MAMLD1: variants seen among roughly 807,000 people sequenced by gnomAD.
The protein encoded by MAMLD1 is mastermind-like domain-containing protein 1.
Under a neutral mutation model 45.0 loss-of-function variants are expected in MAMLD1, and 14 were observed. The ratio of observed to expected loss-of-function variants is 0.31; its 90% CI spans 0.21 to 0.49. MAMLD1 has a LOEUF of 0.49. Ranked by LOEUF, MAMLD1 falls within the 20% of genes least tolerant of loss-of-function variation. MAMLD1 has a pLI of 0.99. For missense variants in MAMLD1, 543 were observed against 603.6 expected (o/e 0.90, Z 1.05); for synonymous variants, 254 against 247.8 (o/e 1.02, Z -0.24).
chrX:150,450,643 A>G (rs914620326), intron 2 of MAMLD1, among the ~76,000 whole-genome samples: 2 of 111,270 alleles, frequency 1.8e-5, no homozygotes, highest in Non-Finnish European at 3.8e-5. Context: ...TCCAAACCAC[A>G]CAGGGCATGA....
At chrX:150,372,174 G>C (rs1342976736) in intron 1 of MAMLD1, among the ~76,000 whole-genome samples, 2 of 112,474 alleles carry the variant, frequency 1.8e-5, no homozygotes, top group Non-Finnish European at 3.8e-5. Flanking sequence ...GCTCAGCATT[G>C]TTAGGACAGC....
chrX:150,390,442 T>C (rs1484907459), intron 1 of MAMLD1, among the ~76,000 whole-genome samples: 1 of 112,439 alleles, frequency 8.9e-6, no homozygotes, highest in Non-Finnish European at 1.9e-5. Context: ...TCTTGGTTTA[T>C]GTTTTATGGT....
chrX:150,457,668 C>T (rs1180134368), intron 2 of MAMLD1, among the ~76,000 whole-genome samples: 1 of 111,944 alleles, frequency 8.9e-6, no homozygotes, highest in Non-Finnish European at 1.9e-5. Flanking sequence ...TGAGGCATGC[C>T]ACAACATGGA....
intron 2 of MAMLD1, among the ~76,000 whole-genome samples, chrX:150,460,508 C>A (rs1359276891): frequency 8.9e-6 from 1 of 112,045 alleles, no homozygotes; most frequent in African/African-American, 3.2e-5. Context: ...AGTGGAGAGG[C>A]AGGTCCCAAG....
In MAMLD1 at chrX:150,513,145, A is replaced by G; in HGVS notation, c.*1186A>G. On this transcript the variant is annotated 3_prime_UTR_variant, in exon 8 of 8. Coordinates refer to ENST00000370401, the MANE Select transcript of MAMLD1 (RefSeq NM_005491.5). The stretch of plus-strand genomic sequence containing the variant: ...GGAAGTGGTGTCGATCCATACCCGC[A>G]GTTGTCTCCCGTTACAATTTGAGTG... 1.1e-6 allele frequency: 1 copy of G among 896,667 alleles called. No individual in the cohort carries two copies. Among genetic ancestry groups the G allele is most frequent in the Non-Finnish European group, 1.5e-6 (1 of 659,330 alleles). 73.9% of individuals were successfully genotyped at this position (896,667 alleles called of 1,213,427 possible).
Position 150,482,001 on chromosome X carries a change from A to G in MAMLD1, c.2040+8199A>G, listed in dbSNP as rs1557407315. Among the ~76,000 whole-genome samples, 7 of 107,543 alleles carry G rather than the reference A, an allele frequency of 6.5e-5. No individual in the cohort carries two copies. In the South Asian group the frequency reaches 3.0e-3, roughly 45 times the overall value. 93.4% of individuals were successfully genotyped at this position (107,543 alleles called of 115,157 possible). A position where few individuals can be genotyped will look rare whatever the true frequency, so the allele number is the denominator to read the frequency against. ...GAAAGAAAGAAAGAAAGAAAGAAAG[A>G]AAGAAAGAAAGAAAGAAAGAAAGAA... On this transcript the variant is annotated intron_variant, in intron 5 of 7. Coordinates refer to ENST00000370401, the MANE Select transcript of MAMLD1 (RefSeq NM_005491.5).
chrX:150,479,041 G>A (rs2036670480), intron 5 of MAMLD1, among the ~76,000 whole-genome samples: 1 of 110,461 alleles, frequency 9.1e-6, no homozygotes, highest in South Asian at 3.8e-4. Flanking sequence ...TTAGAACTTG[G>A]TATTAATCTT....
At chrX:150,497,148 T>A (rs1378197623) in intron 5 of MAMLD1, among the ~76,000 whole-genome samples, 2 of 112,206 alleles carry the variant, frequency 1.8e-5, no homozygotes, top group Non-Finnish European at 3.8e-5. Context: ...CAGGTCTTGC[T>A]TAGGGGATAC....
intron 1 of MAMLD1, among the ~76,000 whole-genome samples, chrX:150,444,145 G>A (rs1355460366): frequency 9.0e-6 from 1 of 111,731 alleles, no homozygotes; most frequent in African/African-American, 3.3e-5. Context: ...CTCCCTACTA[G>A]GCTTTTACTG....
chrX:150,410,254 T>A (rs2034092456), intron 1 of MAMLD1, among the ~76,000 whole-genome samples: 1 of 112,245 alleles, frequency 8.9e-6, no homozygotes. Context: ...CCCAGTAGAA[T>A]GTCTGGCACC....
At chrX:150,428,931 A>G (rs2034815015) in intron 1 of MAMLD1, among the ~76,000 whole-genome samples, 2 of 111,742 alleles carry the variant, frequency 1.8e-5, no homozygotes, top group African/African-American at 6.5e-5. Context: ...ACAAAGGGGG[A>G]AGGCATAAAA....
intron 6 of MAMLD1, chrX:150,505,116 C>A: frequency 1.3e-6 from 1 of 745,397 alleles, no homozygotes; most frequent in Non-Finnish European, 1.6e-6. Flanking sequence ...ATTTCATATA[C>A]AGATCTCTGC....
chrX:150,477,410 T>C (rs1557406900), intron 5 of MAMLD1, among the ~76,000 whole-genome samples: 1 of 112,090 alleles, frequency 8.9e-6, no homozygotes, highest in East Asian at 2.8e-4. Context: ...TCCAGGCTCC[T>C]CTCTGACCCC....
intron 1 of MAMLD1, among the ~76,000 whole-genome samples, chrX:150,364,110 C>G (rs782019836): frequency 8.8e-6 from 1 of 113,193 alleles, no homozygotes; most frequent in Admixed American, 9.2e-5. Flanking sequence ...CGGAGCTGAG[C>G]TGGTGTTCAG....
intron 1 of MAMLD1, among the ~76,000 whole-genome samples, chrX:150,429,000 C>T (rs1287799228): frequency 9.0e-6 from 1 of 111,573 alleles, no homozygotes; most frequent in Non-Finnish European, 1.9e-5. Context: ...TTCTTTAGGG[C>T]TGAATGGGCA....
intron 1 of MAMLD1, among the ~76,000 whole-genome samples, chrX:150,375,644 C>T (rs964607122): frequency 1.8e-5 from 2 of 112,525 alleles, no homozygotes; most frequent in Admixed American, 9.4e-5. Flanking sequence ...TGTCTCCCTA[C>T]CCATTCTTTC....
chrX:150,378,445 C>T (rs2032437429), intron 1 of MAMLD1, among the ~76,000 whole-genome samples: 1 of 111,868 alleles, frequency 8.9e-6, no homozygotes, highest in Non-Finnish European at 1.9e-5. Flanking sequence ...CTTCCCGTTG[C>T]AATTAATGAG....
chrX:150,435,047 T>A (rs940979753), intron 1 of MAMLD1, among the ~76,000 whole-genome samples: 6 of 111,763 alleles, frequency 5.4e-5, no homozygotes, highest in Non-Finnish European at 1.1e-4. Context: ...GTTATCTAAG[T>A]CTCTTTGGAG....
chrX:150,377,530 C>A (rs1025828779), intron 1 of MAMLD1, among the ~76,000 whole-genome samples: 1 of 111,351 alleles, frequency 9.0e-6, no homozygotes, highest in East Asian at 2.8e-4. Flanking sequence ...TCTTTGAATA[C>A]CCACTGTGCC....
Sources: gnomAD v4.1 joint callset for allele counts (sites outside exome capture counted in the v4.1 genomes callset) on GRCh38, gnomAD v4.1.1 for gene constraint, MANE v1.5 for transcripts, NCBI Gene and HGNC (gene_info 2026-07-23, HGNC 2026-07-21) for gene names.